The following BMP5 variants were observed in gnomAD, a reference collection of about 807,000 sequenced individuals.
BMP5 encodes bone morphogenetic protein 5.
Under a neutral mutation model 46.6 loss-of-function variants are expected in BMP5, and 23 were observed. The ratio of observed to expected loss-of-function variants is 0.49; its 90% CI spans 0.35 to 0.70. The LOEUF (loss-of-function observed/expected upper bound fraction) is 0.70. BMP5 is among the 30% of genes least tolerant of loss of function. BMP5 has a pLI of 0.00. For missense variants in BMP5, 545 were observed against 565.6 expected, an observed-to-expected ratio of 0.96 and a Z score of 0.37; for synonymous variants, 204 against 191.9, an observed-to-expected ratio of 1.06 and a Z score of -0.52.
rs539282104 is a variant in BMP5 at position 55,837,214 on chromosome 6, AT to A, written c.491-17368del. On this transcript the variant is annotated intron_variant, in intron 1 of 6. Transcript: ENST00000370830. ...CTATGGGTGTGGGCGACCACAGAGCATTTTTTCTTTAACTAATTATGATAAT... is the reference window on the plus strand; with the variant it reads ...CTATGGGTGTGGGCGACCACAGAGCATTTTTCTTTAACTAATTATGATAAT... Among the ~76,000 whole-genome samples, 546 of 152,136 alleles carry A rather than the reference AT, an allele frequency of 3.6e-3. 5 individuals are homozygous for A. The highest frequency in any genetic ancestry group is 0.012 in the African/African-American group (516 of 41,492).
intron 1 of BMP5, among the ~76,000 whole-genome samples, chr6:55,846,993 CA>C (rs199516470): frequency 1.3e-5 from 2 of 148,726 alleles, no homozygotes; most frequent in African/African-American, 2.5e-5. Context: ...TCTAAAATTT[CA>C]AAAAAAAAGG....
chr6:55,796,770 G>A (rs1238494370), intron 2 of BMP5, among the ~76,000 whole-genome samples: 1 of 150,792 alleles, frequency 6.6e-6, no homozygotes, highest in Non-Finnish European at 1.5e-5. Context: ...TTGTTCTTGC[G>A]ATAGTTTACT....
At chr6:55,756,812 A>C (rs1309947154) in intron 6 of BMP5, among the ~76,000 whole-genome samples, 6 of 151,996 alleles carry the variant, frequency 3.9e-5, no homozygotes, top group Non-Finnish European at 8.8e-5. Context: ...TTTATCTTCC[A>C]TAACCCACAC....
intron 1 of BMP5, among the ~76,000 whole-genome samples, chr6:55,826,370 ATAGT>A (rs1325052086): frequency 2.6e-5 from 4 of 151,842 alleles, no homozygotes; most frequent in Non-Finnish European, 5.9e-5. Flanking sequence ...GAATTATTAG[ATAGT>A]TAAATAATTG....
chr6:55,819,242 C>T (rs894134506), intron 2 of BMP5, among the ~76,000 whole-genome samples: 2 of 152,134 alleles, frequency 1.3e-5, no homozygotes, highest in African/African-American at 4.8e-5. Context: ...AATGAACATA[C>T]AATTTTTACA....
intron 1 of BMP5, among the ~76,000 whole-genome samples, chr6:55,848,633 T>C (rs1484749054): frequency 6.6e-6 from 1 of 151,970 alleles, no homozygotes; most frequent in East Asian, 1.9e-4. Flanking sequence ...GAGTTTATGC[T>C]GTGGTCCGTG....
chr6:55,767,139 T>G (rs1774933778), intron 4 of BMP5, among the ~76,000 whole-genome samples: 1 of 152,052 alleles, frequency 6.6e-6, no homozygotes, highest in African/African-American at 2.4e-5. Flanking sequence ...CAAGTCTTTT[T>G]TAAAGTGTGT....
intron 2 of BMP5, among the ~76,000 whole-genome samples, chr6:55,807,224 T>C (rs1176762080): frequency 6.6e-6 from 1 of 152,080 alleles, no homozygotes; most frequent in Non-Finnish European, 1.5e-5. Flanking sequence ...ATAGCTCTTA[T>C]TATTTTGAGA....
chr6:55,795,666 G>A (rs927553373), intron 2 of BMP5, among the ~76,000 whole-genome samples: 7 of 151,866 alleles, frequency 4.6e-5, no homozygotes, highest in African/African-American at 1.5e-4. Context: ...CTACATCTTC[G>A]TTTCTTAACT....
rs74429771 is a variant in BMP5 at position 55,762,007 on chromosome 6, A to C, written c.1028-1474T>G. ...TTGAGGCAAGTGAAATACTATCATT[A>C]CATATTTTGGAATGTAATCTGAAAT... On this transcript the variant is annotated intron_variant, in intron 4 of 6. Coordinates refer to ENST00000370830, the MANE Select transcript of BMP5 (RefSeq NM_021073.4). 9.3e-3 allele frequency among the ~76,000 whole-genome samples: 1,410 copies of C among 152,294 alleles called. 24 individuals are homozygous for C. The highest frequency in any genetic ancestry group is 0.033 in the African/African-American group (1,356 of 41,574).
intron 1 of BMP5, among the ~76,000 whole-genome samples, chr6:55,852,642 A>G (rs1273815852): frequency 1.3e-5 from 2 of 152,054 alleles, no homozygotes; most frequent in African/African-American, 2.4e-5. Flanking sequence ...AATTAATTTT[A>G]GTATGTTTTC....
chr6:55,836,742 A>G (rs1776804170), intron 1 of BMP5, among the ~76,000 whole-genome samples: 1 of 152,050 alleles, frequency 6.6e-6, no homozygotes, highest in Admixed American at 6.6e-5. Context: ...AACATATTCC[A>G]GAGTGCTGTC....
chr6:55,769,992 A>G (rs765627146), intron 4 of BMP5, among the ~76,000 whole-genome samples: 3 of 151,918 alleles, frequency 2.0e-5, no homozygotes, highest in Non-Finnish European at 4.4e-5. Context: ...TTGTTCTTCC[A>G]TTTGCAGAGC....
At chr6:55,856,124 A>T (rs901473237) in intron 1 of BMP5, among the ~76,000 whole-genome samples, 3 of 152,206 alleles carry the variant, frequency 2.0e-5, no homozygotes, top group African/African-American at 7.2e-5. Context: ...AATTTCATAC[A>T]AATGAAATTA....
At chr6:55,850,349 AGTAG>A (rs71665347) in intron 1 of BMP5, among the ~76,000 whole-genome samples, 57,802 of 147,076 alleles carry the variant, frequency 0.39, 11,540 homozygotes, top group African/African-American at 0.49. Context: ...TAGTTAGGTA[AGTAG>A]GTAGATAGAT....
At chr6:55,854,007 A>T (rs1473300262) in intron 1 of BMP5, among the ~76,000 whole-genome samples, 1 of 152,180 alleles carries the variant, frequency 6.6e-6, no homozygotes, top group Non-Finnish European at 1.5e-5. Context: ...TTGTAAGGAT[A>T]TTTTAGCAAA....
At chr6:55,781,985 T>C (rs978859614) in intron 3 of BMP5, among the ~76,000 whole-genome samples, 1 of 151,502 alleles carries the variant, frequency 6.6e-6, no homozygotes, top group African/African-American at 2.4e-5. Context: ...ACCAGCAAAA[T>C]AGAAGAAAAA....
intron 5 of BMP5, 58 bp from the exon 6 acceptor site, chr6:55,759,173 A>AAAAAAAAAAAAAAAAAAAAAAC: frequency 1.2e-6 from 1 of 839,414 alleles, no homozygotes; most frequent in South Asian, 1.6e-5. Context: ...AAAAAAAAAA[A>AAAAAAAAAAAAAAAAAAAAAAC]AAAAAAAAAA....
chr6:55,863,278 ATTG>A (rs980342865), intron 1 of BMP5, among the ~76,000 whole-genome samples: 3 of 152,310 alleles, frequency 2.0e-5, no homozygotes, highest in African/African-American at 7.2e-5. Context: ...AGCCATTATT[ATTG>A]TTGTTGTTAA....
Sources: allele counts gnomAD v4.1 joint callset (sites outside exome capture counted in the v4.1 genomes callset), GRCh38; gene constraint gnomAD v4.1.1; transcripts MANE v1.5; gene names NCBI Gene and HGNC (gene_info 2026-07-23, HGNC 2026-07-21).